NAALAD2: variants seen among roughly 807,000 people sequenced by gnomAD.
NAALAD2 encodes N-acetylated alpha-linked acidic dipeptidase 2.
NAALAD2 carries 89 observed loss-of-function variants against 95.6 expected under a neutral mutation model. That is an observed-to-expected ratio of 0.93 (90% CI 0.78 to 1.11). The LOEUF is 1.11. Among genes scored for constraint, NAALAD2 ranks in the 50% least tolerant of loss-of-function variants. The pLI, the probability that NAALAD2 is intolerant of heterozygous loss-of-function variation, is 0.00. For missense variants in NAALAD2, 894 were observed against 872.4 expected (o/e 1.02, Z -0.31); for synonymous variants, 264 against 294.4 (o/e 0.90, Z 1.06).
chr11:90,182,235 C>T (rs113007515), intron 17 of NAALAD2, among the ~76,000 whole-genome samples: 80 of 152,162 alleles, frequency 5.3e-4, no homozygotes, highest in African/African-American at 1.8e-3. Flanking sequence ...TTTCAAAGTA[C>T]ATTCAAAGTA....
chr11:90,161,331 C>G (rs556766060), intron 8 of NAALAD2, among the ~76,000 whole-genome samples: 1 of 152,278 alleles, frequency 6.6e-6, no homozygotes, highest in East Asian at 1.9e-4. Context: ...CTTCTCTTTA[C>G]AGAGCTGTAA....
intron 2 of NAALAD2, among the ~76,000 whole-genome samples, chr11:90,145,781 G>A (rs1354826663): frequency 6.6e-6 from 1 of 152,008 alleles, no homozygotes; most frequent in Non-Finnish European, 1.5e-5. Context: ...ATTGTGCAAA[G>A]GCTAAAAGGT....
At chr11:90,167,688 G>C (rs1952511620) in intron 11 of NAALAD2, among the ~76,000 whole-genome samples, 1 of 152,166 alleles carries the variant, frequency 6.6e-6, no homozygotes, top group Admixed American at 6.5e-5. Flanking sequence ...TCTAGCTCAA[G>C]GTTTGTAAAC....
intron 18 of NAALAD2, among the ~76,000 whole-genome samples, chr11:90,187,541 A>G (rs1327089390): frequency 6.6e-6 from 1 of 152,058 alleles, no homozygotes. Flanking sequence ...ACTTTTTCCA[A>G]TAACTGCTAA....
intron 5 of NAALAD2, 128 bp from the exon 6 acceptor site, chr11:90,152,170 T>A: frequency 1.3e-6 from 1 of 792,604 alleles, no homozygotes; most frequent in African/African-American, 1.7e-5. Context: ...CCAAGAGAAC[T>A]GAATGTGTAA....
At chr11:90,189,081 C>T (rs1391718930) in intron 18 of NAALAD2, among the ~76,000 whole-genome samples, 1 of 152,142 alleles carries the variant, frequency 6.6e-6, no homozygotes, top group Non-Finnish European at 1.5e-5. Flanking sequence ...AAAAGTCTTC[C>T]TGTAAGAGGC....
intron 18 of NAALAD2, among the ~76,000 whole-genome samples, chr11:90,187,515 C>T (rs1452962536): frequency 3.4e-5 from 5 of 148,212 alleles, no homozygotes; most frequent in African/African-American, 7.3e-5. Context: ...ATTGATATGA[C>T]ATATTGCATA....
upstream of NAALAD2, among the ~76,000 whole-genome samples, chr11:90,132,505 A>T (rs1165693297): frequency 6.6e-6 from 1 of 152,192 alleles, no homozygotes; most frequent in Non-Finnish European, 1.5e-5. Flanking sequence ...AAAAGCCAAG[A>T]GTCTAAAAAT....
chr11:90,163,672 T>C (rs1952359301), intron 11 of NAALAD2, 55 bp downstream of exon 11: 1 of 1,462,702 alleles, frequency 6.8e-7, no homozygotes, highest in Non-Finnish European at 9.6e-7. Context: ...GGAACAAATA[T>C]GTATGTGTCT....
intron 4 of NAALAD2, 105 bp from the exon 5 acceptor site, chr11:90,150,377 G>T (rs1951855388): frequency 3.5e-6 from 2 of 569,140 alleles, no homozygotes; most frequent in East Asian, 3.4e-5. Context: ...CCCAAATAAA[G>T]AAAGGAAACA....
At position 90,152,444 on chromosome 11, in the gene NAALAD2, T is replaced by A; in HGVS notation, c.756T>A (p.Asn252Lys). 6.2e-7 allele frequency: 1 copy of A among 1,613,680 alleles called. No homozygotes were observed. Among genetic ancestry groups the A allele is most frequent in the South Asian group, 1.1e-5 (1 of 91,040 alleles). Residue 252 changes from asparagine to lysine, a missense_variant, in exon 6 of 19, where the codon AAT becomes AAA. Transcript: ENST00000534061. ...AGAGAGGAAATGTGTTAAATTTGAATGGTGCTGGTGACCCACTCACTCCAG... is the reference window on the plus strand; with the variant it reads ...AGAGAGGAAATGTGTTAAATTTGAAAGGTGCTGGTGACCCACTCACTCCAG... ...AAQRGNVLNL[N>K]GAGDPLTPGY...
intron 6 of NAALAD2, among the ~76,000 whole-genome samples, chr11:90,155,938 C>G (rs1216327689): frequency 7.0e-6 from 1 of 143,032 alleles, no homozygotes; most frequent in African/African-American, 2.6e-5. Flanking sequence ...TATATGTGAT[C>G]TATTTATTCT....
At position 90,175,985 on chromosome 11, in the gene NAALAD2, G is replaced by A. The variant is rs1267200893; in HGVS notation, c.1516G>A (p.Gly506Arg). 1 of 1,608,134 alleles carries A rather than the reference G, an allele frequency of 6.2e-7. No homozygotes were observed. Among genetic ancestry groups the A allele is most frequent in the East Asian group, 2.2e-5 (1 of 44,780 alleles). Reference protein sequence around the residue: ...NKNLPRINKLGSGSDFEAYFQ... With the variant: ...NKNLPRINKLRSGSDFEAYFQ... ...TTCTACATCTAGAATCAATAAGCTGGGATCTGGAAGTGACTTTGAAGCTTA... is the reference window on the plus strand; with the variant it reads ...TTCTACATCTAGAATCAATAAGCTGAGATCTGGAAGTGACTTTGAAGCTTA... Residue 506 changes from glycine to arginine, a missense_variant, in exon 15 of 19, where the codon GGA (glycine) becomes AGA (arginine). Gly to Arg is a moderately radical substitution (Grantham distance 125). Transcript: ENST00000534061.
At chr11:90,186,093 T>TG (rs1857133489) in intron 18 of NAALAD2, among the ~76,000 whole-genome samples, 1 of 152,058 alleles carries the variant, frequency 6.6e-6, no homozygotes, top group Non-Finnish European at 1.5e-5. Flanking sequence ...TAGTTACATA[T>TG]GTATACATGT....
intron 14 of NAALAD2, 44 bp from the exon 15 acceptor site, chr11:90,175,928 A>ATGTGTGTGTGTGTG (rs140876943): frequency 2.1e-4 from 205 of 972,782 alleles, no homozygotes; most frequent in East Asian, 1.5e-3. Context: ...TTACTTGTTT[A>ATGTGTGTGTGTGTG]TGTGTGTGTG....
chr11:90,155,352 T>TTA (rs1952041670), intron 6 of NAALAD2, among the ~76,000 whole-genome samples: 4 of 109,362 alleles, frequency 3.7e-5, no homozygotes, highest in South Asian at 2.7e-4. Flanking sequence ...ATATTATATA[T>TTA]TACATGTATA....
chr11:90,173,186 T>TACAC (rs137863708), intron 13 of NAALAD2, among the ~76,000 whole-genome samples: 6 of 151,116 alleles, frequency 4.0e-5, no homozygotes, highest in African/African-American at 1.2e-4. Flanking sequence ...TGTATATATA[T>TACAC]ACACACACAC....
chr11:90,191,756 A>T lies in NAALAD2; in HGVS notation c.*9A>T, dbSNP rs1176302385. On this transcript the variant is annotated 3_prime_UTR_variant, in exon 19 of 19. Coordinates refer to ENST00000534061, the MANE Select transcript of NAALAD2 (RefSeq NM_005467.4). ...TGAAAGAAGTATTATAGAAGGTCTC[A>T]AGTGGCTAGCCATTAAAGGTGTTGC... 6.5e-7 allele frequency: 1 copy of T among 1,527,262 alleles called. No individual in the cohort carries two copies. The highest frequency in any genetic ancestry group is 1.4e-5 in the African/African-American group (1 of 71,852). The allele number at this position is 1,527,262 out of a possible 1,614,324, so 94.6% of individuals were successfully genotyped here.
chr11:90,170,971 A>T (rs547538534), intron 13 of NAALAD2, among the ~76,000 whole-genome samples: 1 of 152,198 alleles, frequency 6.6e-6, no homozygotes, highest in East Asian at 1.9e-4. Flanking sequence ...AAGAATTTCT[A>T]ACAAGGTTGT....
Sources: gnomAD v4.1 joint callset for allele counts (sites outside exome capture counted in the v4.1 genomes callset) on GRCh38, gnomAD v4.1.1 for gene constraint, MANE v1.5 for transcripts, NCBI Gene and HGNC (gene_info 2026-07-23, HGNC 2026-07-21) for gene names.